TTC12: variants seen among roughly 807,000 people sequenced by gnomAD.
The protein encoded by TTC12 is tetratricopeptide repeat protein 12.
A neutral mutation model predicts 90.1 loss-of-function variants in TTC12; 70 were observed. The ratio of observed to expected loss-of-function variants is 0.78; its 90% confidence interval spans 0.64 to 0.95. The LOEUF is 0.95. Ranked by LOEUF, TTC12 falls within the 40% of genes least tolerant of loss-of-function variation. The probability of loss-of-function intolerance (pLI) is 0.00; values close to 1 mark genes in which losing one functional copy is unlikely to be tolerated. For synonymous variants in TTC12, 296 were observed against 311.5 expected, an observed-to-expected ratio of 0.95 and a Z score of 0.53; for missense variants, 819 against 846.1, an observed-to-expected ratio of 0.97 and a Z score of 0.40.
At chr11:113,322,858 TG>T (rs1947425945) in intron 2 of TTC12, among the ~76,000 whole-genome samples, 1 of 152,038 alleles carries the variant, frequency 6.6e-6, no homozygotes, top group East Asian at 1.9e-4. Context: ...TGAAGACAGG[TG>T]AGGATAGGGT....
chr11:113,338,955 G>T lies in TTC12; in HGVS notation c.637+121G>T, dbSNP rs1462879118. ...TAGGCAGCGGCGGATCCTCTTTCCT[G>T]CACAGTTGGGTCCTCTGTGTTAACC... On this transcript the variant is annotated intron_variant, in intron 9 of 21. Coordinates refer to ENST00000529221, the MANE Select transcript of TTC12 (RefSeq NM_017868.4). The T allele has an allele frequency of 4.7e-6, 4 of 843,404 alleles. No individual in the cohort carries two copies. The Admixed American group carries it at 7.9e-5, about 17-fold the overall frequency. The allele number at this position is 843,404 out of a possible 1,614,324, so 52.2% of individuals were successfully genotyped here. A position where few individuals can be genotyped will look rare whatever the true frequency, so the allele number is the denominator to read the frequency against.
rs115862231 is a variant in TTC12 at position 113,329,582 on chromosome 11, C to T, written c.445-338C>T. The T allele has an allele frequency of 1.5e-3, 700 of 476,482 alleles. 7 individuals carry two copies. The highest frequency in any genetic ancestry group is 0.013 in the African/African-American group (639 of 51,040). The allele number at this position is 476,482 out of a possible 1,614,324, so 29.5% of individuals were successfully genotyped here. On this transcript the variant is annotated intron_variant, in intron 6 of 21. Transcript: ENST00000529221. The stretch of plus-strand genomic sequence containing the variant: ...TCAGCTCATGTCAGGCAGTTCTTTT[C>T]GCAGAGCTGTCCTCCCACATTTTGT...
chr11:113,344,264 T>C lies in TTC12; in HGVS notation c.986-8T>C. 6.2e-7 allele frequency: 1 copy of C among 1,607,952 alleles called. No individual in the cohort carries two copies. On this transcript the variant is annotated splice_region_variant and splice_polypyrimidine_tract_variant and intron_variant, in intron 12 of 21. Transcript: ENST00000529221. ...ATGCACAAGACACACAACCTCTGTG[T>C]TTTGCAGAGGAAAACCAGCGTGTGC...
At chr11:113,349,964 T>G in intron 13 of TTC12, 109 bp from the exon 14 acceptor site, 1 of 865,760 alleles carries the variant, frequency 1.2e-6, no homozygotes, top group Non-Finnish European at 1.9e-6. Context: ...CCTTTCTGCT[T>G]ATTTCACCCG....
chr11:113,363,929 T>G lies in TTC12; in HGVS notation c.1816+2T>G, dbSNP rs1234187242. On this transcript the variant is annotated splice_donor_variant, in intron 20 of 21. Transcript: ENST00000529221. LOFTEE classifies it high-confidence loss of function. Reference sequence around the variant, plus strand: ...AAGAAGTAATAAGACTGGATAAAAGTAAGTGATGATTTCCTTAAGGGAGCC... The same window carrying G: ...AAGAAGTAATAAGACTGGATAAAAGGAAGTGATGATTTCCTTAAGGGAGCC... 1.2e-6 allele frequency: 2 copies of G among 1,603,216 alleles called. No homozygotes were observed. Among genetic ancestry groups the G allele is most frequent in the African/African-American group, 2.7e-5 (2 of 74,726 alleles).
rs369719051 is a variant in TTC12, at chr11:113,340,068, T to A, written c.826+594T>A. Among the ~76,000 whole-genome samples the A allele has an allele frequency of 2.6e-4, 40 of 152,294 alleles. No individual in the cohort carries two copies. The South Asian group carries it at 8.3e-3, about 32-fold the overall frequency. On this transcript the variant is annotated intron_variant, in intron 10 of 21. Transcript: ENST00000529221. ...ATGGCTGCATAGGATGTGAAAATGG[T>A]TTCAGAGCAAACATCAGCTCTCCTA...
intron 17 of TTC12, 60 bp downstream of exon 17, chr11:113,359,521 A>G (rs1247598880): frequency 8.8e-7 from 1 of 1,135,368 alleles, no homozygotes; most frequent in Non-Finnish European, 1.3e-6. Context: ...ATTCTGTGGC[A>G]TAAAACCATT....
intron 9 of TTC12, 85 bp downstream of exon 9, chr11:113,338,919 C>A: frequency 1.6e-6 from 2 of 1,231,792 alleles, no homozygotes; most frequent in Non-Finnish European, 2.4e-6. Flanking sequence ...GCTTTCACTG[C>A]CCTTGGCCAC....
intron 7 of TTC12, 91 bp downstream of exon 7, chr11:113,330,070 C>A: frequency 1.0e-6 from 1 of 983,736 alleles, no homozygotes; most frequent in Non-Finnish European, 1.6e-6. Context: ...AAGGGTATAG[C>A]CTCTGTAGCC....
chr11:113,344,376 C>G lies in TTC12; in HGVS notation c.1090C>G (p.Leu364Val), dbSNP rs1555147332. ...CATCCGGCAGCAGAGCTTTGCCCTG[C>G]TGCTGCATCTCGCCCAGACTGAGAG... ...LAIRQQSFAL[L>V]LHLAQTESGR... Residue 364 changes from leucine to valine, a missense_variant, in exon 13 of 22, where the codon CTG (leucine) becomes GTG (valine). By Grantham distance (32) the Leu-to-Val change is conservative (BLOSUM62 1). Coordinates refer to ENST00000529221, the MANE Select transcript of TTC12 (RefSeq NM_017868.4). The G allele has an allele frequency of 1.5e-5, 25 of 1,614,196 alleles. No homozygotes were observed. Among genetic ancestry groups the G allele is most frequent in the Non-Finnish European group, 2.1e-5 (25 of 1,180,030 alleles).
At position 113,364,037 on chromosome 11, in the gene TTC12, C is replaced by G. The variant is rs569864089; in HGVS notation, c.1816+110C>G. 4.3e-6 allele frequency: 3 copies of G among 692,738 alleles called. No homozygotes were observed. In the African/African-American group the frequency reaches 5.4e-5, roughly 13 times the overall value. 42.9% of individuals were successfully genotyped at this position (692,738 alleles called of 1,614,324 possible). A position where few individuals can be genotyped will look rare whatever the true frequency, so the allele number is the denominator to read the frequency against. On this transcript the variant is annotated intron_variant, in intron 20 of 21. Transcript: ENST00000529221. ...AACTTAGCAGCAATGCTGTTAACCT[C>G]TCCCAGACTTCAGCAATGTTTACAG...
intron 8 of TTC12, among the ~76,000 whole-genome samples, chr11:113,336,061 T>G (rs1184199931): frequency 5.3e-5 from 8 of 152,206 alleles, no homozygotes; most frequent in Admixed American, 5.2e-4. Context: ...GGTTCCAGTT[T>G]TTCCACATCC....
intron 11 of TTC12, chr11:113,341,589 G>T: frequency 2.0e-6 from 1 of 507,122 alleles, no homozygotes; most frequent in Non-Finnish European, 3.6e-6. Flanking sequence ...ATTGGTCCCA[G>T]TGCAGCCATC....
Position 113,359,838 on chromosome 11 carries a change from G to A in TTC12, c.1546-102G>A, listed in dbSNP as rs573305979. 5.7e-5 allele frequency: 48 copies of A among 841,654 alleles called. No homozygotes were observed. The Admixed American group carries it at 6.4e-4, about 11-fold the overall frequency. 52.1% of individuals were successfully genotyped at this position (841,654 alleles called of 1,614,324 possible). Reference sequence around the variant, plus strand: ...TGTTGTGAGGGAACCTGGGCATAGTGTGGTGGTGCTAAAAAGGAGACGGTG... The same window carrying A: ...TGTTGTGAGGGAACCTGGGCATAGTATGGTGGTGCTAAAAAGGAGACGGTG... On this transcript the variant is annotated intron_variant, in intron 17 of 21. Transcript: ENST00000529221.
chr11:113,365,995 C>T (rs1021862232), intron 21 of TTC12, among the ~76,000 whole-genome samples: 2 of 152,228 alleles, frequency 1.3e-5, no homozygotes, highest in African/African-American at 2.4e-5. Flanking sequence ...CAGCCTGACA[C>T]ACCTGCCACC....
intron 7 of TTC12, among the ~76,000 whole-genome samples, chr11:113,333,177 G>A (rs920226459): frequency 6.6e-6 from 1 of 152,018 alleles, no homozygotes; most frequent in Admixed American, 6.5e-5. Context: ...GGCATGCAAG[G>A]CTACCATATG....
In TTC12 at chr11:113,329,836, A is replaced by G. The variant is rs7928978; in HGVS notation, c.445-84A>G. On this transcript the variant is annotated intron_variant, in intron 6 of 21. Coordinates refer to ENST00000529221, the MANE Select transcript of TTC12 (RefSeq NM_017868.4). ...AGGGGATAGTTCTCGCTGACATTCT[A>G]CTGTTCGAATGTTCTTTCTGTGTGA... 201,059 of 1,125,682 alleles carry G rather than the reference A, an allele frequency of 0.18. 21,835 individuals are homozygous for G. Among genetic ancestry groups the G allele is most frequent in the East Asian group, 0.51 (21,707 of 42,418 alleles). 69.7% of individuals were successfully genotyped at this position (1,125,682 alleles called of 1,614,324 possible). A position where few individuals can be genotyped will look rare whatever the true frequency, so the allele number is the denominator to read the frequency against.
At chr11:113,370,720 C>T (rs966356016), downstream of TTC12, among the ~76,000 whole-genome samples, 3 of 152,214 alleles carry the variant, frequency 2.0e-5, no homozygotes, top group African/African-American at 7.2e-5. Context: ...TGCCGATTAC[C>T]TCTGCCAGCC....
At position 113,351,284 on chromosome 11, in the gene TTC12, A is replaced by C. The variant is rs1555150088; in HGVS notation, c.1293A>C (p.Ala431=). Reference sequence around the variant, plus strand: ...CCAACCTTCCAGGTGTTCTCCCTGCACTCACAGGCGTTCTGGTGAGCAAAC... The same window carrying C: ...CCAACCTTCCAGGTGTTCTCCCTGCCCTCACAGGCGTTCTGGTGAGCAAAC... ...FQANLPGVLP[A]LTGVLKTDPK... is the part of the protein sequence containing the mutation. The change falls in exon 15 of 22, where the codon GCA becomes GCC. Residue 431 remains alanine, a synonymous_variant. Coordinates refer to ENST00000529221, the MANE Select transcript of TTC12 (RefSeq NM_017868.4). 2 of 1,613,972 alleles carry C rather than the reference A, an allele frequency of 1.2e-6. No individual in the cohort carries two copies. The highest frequency in any genetic ancestry group is 3.3e-5 in the Admixed American group (2 of 60,018).
Sources: gnomAD v4.1 joint callset for allele counts (sites outside exome capture counted in the v4.1 genomes callset) on GRCh38, gnomAD v4.1.1 for gene constraint, MANE v1.5 for transcripts, NCBI Gene and HGNC (gene_info 2026-07-23, HGNC 2026-07-21) for gene names.